Variants in ZFHX3 observed in about 807,000 individuals in gnomAD.
ZFHX3 encodes zinc finger homeobox 3, also known as zinc finger homeobox protein 3.
In ZFHX3, 42 loss-of-function variants were observed where a neutral mutation model predicts 279.1. That is an observed-to-expected ratio of 0.15 (90% CI 0.12 to 0.19). The LOEUF (loss-of-function observed/expected upper bound fraction) is 0.19. Among genes scored for constraint, ZFHX3 ranks in the 10% least tolerant of loss-of-function variants. ZFHX3 has a pLI of 1.00. For synonymous variants in ZFHX3, 2,293 were observed against 1,957.8 expected (o/e 1.17, Z -4.52); for missense variants, 4,981 against 4,754.0 (o/e 1.05, Z -1.40).
At chr16:73,000,317 G>A (rs1473612797) in intron 1 of ZFHX3, among the ~76,000 whole-genome samples, 3 of 152,194 alleles carry the variant, frequency 2.0e-5, no homozygotes, top group Admixed American at 2.0e-4. Flanking sequence ...GGGTGTGAGT[G>A]GTGAGCATGA....
intron 2 of ZFHX3, among the ~76,000 whole-genome samples, chr16:73,514,086 A>G (rs1447977074): frequency 6.6e-6 from 1 of 152,088 alleles, no homozygotes; most frequent in Non-Finnish European, 1.5e-5. Flanking sequence ...GTCTCTACTA[A>G]AAATACAAAA....
At chr16:73,819,915 G>C (rs1429042085) in intron 1 of ZFHX3, among the ~76,000 whole-genome samples, 2 of 152,176 alleles carry the variant, frequency 1.3e-5, no homozygotes, top group African/African-American at 4.8e-5. Flanking sequence ...GGCTGTGGCA[G>C]ATCTTATTTT....
In ZFHX3 at chr16:73,506,320, G is replaced by A. The variant is rs1350772040; in HGVS notation, c.-1546-50062C>T. Reference sequence around the variant, plus strand: ...TGTAGGAATGCCTAAGAAATCTAACGGATGAGCTCTTCCCCATTTTTCTGC... The same window carrying A: ...TGTAGGAATGCCTAAGAAATCTAACAGATGAGCTCTTCCCCATTTTTCTGC... On this transcript the variant is annotated intron_variant, in intron 2 of 17. Coordinates refer to the ZFHX3 transcript ENST00000641206. Among the ~76,000 whole-genome samples the A allele has an allele frequency of 2.6e-5, 4 of 152,090 alleles. No individual in the cohort carries two copies. In the East Asian group the frequency reaches 7.7e-4, roughly 29 times the overall value.
In ZFHX3 at chr16:72,795,866, A is replaced by C; in HGVS notation, c.6816T>G (p.Phe2272Leu). 1 of 1,614,206 alleles carries C rather than the reference A, an allele frequency of 6.2e-7. No homozygotes were observed. Among genetic ancestry groups the C allele is most frequent in the Non-Finnish European group, 8.5e-7 (1 of 1,180,042 alleles). Residue 2272 changes from phenylalanine to leucine, a missense_variant, in exon 9 of 10, where the codon TTT (phenylalanine) becomes TTG (leucine). Transcript: ENST00000268489. ...GGTTCAGTAAATTAGAGAGTTGCTCAAATTCATCATCCTTTGGGTAAGCAT... is the reference window on the plus strand; with the variant it reads ...GGTTCAGTAAATTAGAGAGTTGCTCCAATTCATCATCCTTTGGGTAAGCAT... Reference protein sequence around the residue: ...DANAYPKDDEFEQLSNLLNLP... With the variant: ...DANAYPKDDELEQLSNLLNLP...
intron 7 of ZFHX3, among the ~76,000 whole-genome samples, chr16:73,106,559 A>G (rs1966307585): frequency 6.6e-6 from 1 of 152,160 alleles, no homozygotes; most frequent in Admixed American, 6.5e-5. Context: ...CAAATCAGTC[A>G]TCCCAGCTCA....
chr16:73,781,911 C>A (rs927581390), intron 1 of ZFHX3, among the ~76,000 whole-genome samples: 2 of 152,104 alleles, frequency 1.3e-5, no homozygotes, highest in African/African-American at 2.4e-5. Flanking sequence ...CGCTTGAACC[C>A]AGGAGGTGGA....
chr16:73,333,802 GACCAAAAAAAAAAAAAAA>G (rs1355152120), intron 3 of ZFHX3, among the ~76,000 whole-genome samples: 1 of 42,194 alleles, frequency 2.4e-5, no homozygotes, highest in African/African-American at 1.0e-4. Flanking sequence ...CACCCCAAGA[GACCAAAAAAAAAAAAAAA>G]AAAAAAAAAA....
At chr16:72,790,766 G>T (rs1283234093) in intron 9 of ZFHX3, 1 of 152,090 alleles carries the variant, frequency 6.6e-6, no homozygotes, top group Non-Finnish European at 1.5e-5. Flanking sequence ...TCTAAACTTG[G>T]GACATGGCTC....
intron 2 of ZFHX3, among the ~76,000 whole-genome samples, chr16:73,601,754 T>C (rs2052120668): frequency 6.6e-6 from 1 of 152,188 alleles, no homozygotes; most frequent in Non-Finnish European, 1.5e-5. Context: ...ACTTTAATAT[T>C]TTAAAAGGTG....
intron 2 of ZFHX3, among the ~76,000 whole-genome samples, chr16:73,494,114 G>A (rs2019097509): frequency 6.6e-6 from 1 of 152,154 alleles, no homozygotes; most frequent in Admixed American, 6.5e-5. Context: ...GGTAGGTGCA[G>A]TTGGCACGAC....
chr16:73,840,071 T>C (rs1245180021), intron 1 of ZFHX3, among the ~76,000 whole-genome samples: 1 of 152,166 alleles, frequency 6.6e-6, no homozygotes, highest in Non-Finnish European at 1.5e-5. Context: ...CTAATCTTTG[T>C]CTCTGCACAC....
chr16:73,237,652 A>G (rs571143712), intron 5 of ZFHX3, among the ~76,000 whole-genome samples: 5 of 150,198 alleles, frequency 3.3e-5, no homozygotes, highest in Admixed American at 1.3e-4. Context: ...GATTACAGGC[A>G]TGAGCCACTA....
chr16:73,400,959 C>T (rs573167393), intron 3 of ZFHX3: 4 of 152,300 alleles, frequency 2.6e-5, no homozygotes, highest in Non-Finnish European at 4.4e-5. Flanking sequence ...CCGTCACCTC[C>T]GAGTAATTCT....
intron 3 of ZFHX3, among the ~76,000 whole-genome samples, chr16:72,896,542 G>A (rs2038904965): frequency 6.6e-6 from 1 of 152,128 alleles, no homozygotes; most frequent in Admixed American, 6.5e-5. Flanking sequence ...CGACTTTGTG[G>A]GATTCTACCC....
At chr16:73,270,194 G>C (rs989184518) in intron 4 of ZFHX3, among the ~76,000 whole-genome samples, 1 of 152,056 alleles carries the variant, frequency 6.6e-6, no homozygotes, top group Non-Finnish European at 1.5e-5. Context: ...ATTTTAGATT[G>C]CATTTTCCTA....
At position 72,788,018 on chromosome 16, in the gene ZFHX3, T is replaced by C. The variant is rs1429633208; in HGVS notation, c.10258A>G (p.Lys3420Glu). ...GGGGTGTTTTTCTGTTCTTCTGGTT[T>C]GGGGGATTCTTTGGCAGGGTCTTTG... ...PDKDPAKESPKPEEQKNTPRE... is the reference protein window; with the variant it reads ...PDKDPAKESPEPEEQKNTPRE... The change falls in exon 10 of 10, where the codon AAA becomes GAA. Residue 3420 changes from lysine to glutamate, a missense_variant. Lys to Glu is a moderately conservative substitution (Grantham distance 56, BLOSUM62 1). Coordinates refer to ENST00000268489, the MANE Select transcript of ZFHX3 (RefSeq NM_006885.4). The C allele has an allele frequency of 6.2e-7, 1 of 1,610,982 alleles. No homozygotes were observed. Among genetic ancestry groups the C allele is most frequent in the African/African-American group, 1.3e-5 (1 of 74,090 alleles).
intron 4 of ZFHX3, among the ~76,000 whole-genome samples, chr16:72,860,077 C>T (rs942661314): frequency 6.6e-6 from 1 of 152,292 alleles, no homozygotes; most frequent in Non-Finnish European, 1.5e-5. Flanking sequence ...CTGGGAAGTA[C>T]AACACTCCCT....
chr16:72,939,052 C>T (rs1026339662), intron 3 of ZFHX3, among the ~76,000 whole-genome samples: 3 of 152,128 alleles, frequency 2.0e-5, no homozygotes, highest in Non-Finnish European at 4.4e-5. Context: ...GCCTGGCTCA[C>T]TAGAGGAGCC....
chr16:73,427,132 AG>A (rs1425085652), intron 3 of ZFHX3, among the ~76,000 whole-genome samples: 2 of 152,236 alleles, frequency 1.3e-5, no homozygotes, highest in Non-Finnish European at 1.5e-5. Context: ...AACAAGCCAA[AG>A]GAAAGTAGAG....
Sources: allele counts gnomAD v4.1 joint callset (sites outside exome capture counted in the v4.1 genomes callset), GRCh38; gene constraint gnomAD v4.1.1; transcripts MANE v1.5; gene names NCBI Gene and HGNC (gene_info 2026-07-23, HGNC 2026-07-21).